The following EZH2 variants were observed in gnomAD, a reference collection of about 807,000 sequenced individuals.
EZH2 encodes the protein histone-lysine N-methyltransferase EZH2.
EZH2 carries 18 observed loss-of-function variants against 98.4 expected under a neutral mutation model. The observed-to-expected ratio is 0.18, with a 90% CI of 0.13 to 0.27. The LOEUF is 0.27. EZH2 is among the 10% of genes least tolerant of loss of function. The probability of loss-of-function intolerance (pLI) is 1.00; values close to 1 mark genes in which losing one functional copy is unlikely to be tolerated. For missense variants in EZH2, 470 were observed against 935.1 expected (o/e 0.50, Z 6.49); for synonymous variants, 338 against 312.3 (o/e 1.08, Z -0.87).
At chr7:148,880,540 C>T (rs1470955930) in intron 1 of EZH2, among the ~76,000 whole-genome samples, 2 of 152,130 alleles carry the variant, frequency 1.3e-5, no homozygotes, top group African/African-American at 2.4e-5. Flanking sequence ...TCCAGTTGTC[C>T]GAGTGTAATA....
intron 3 of EZH2, 131 bp downstream of exon 3, chr7:148,846,339 A>G (rs756768272): frequency 9.7e-6 from 9 of 931,234 alleles, no homozygotes; most frequent in Non-Finnish European, 1.3e-5. Context: ...ACAGTTGCAC[A>G]TTAAAAAGAA....
intron 1 of EZH2, among the ~76,000 whole-genome samples, chr7:148,861,976 T>G (rs1817743013): frequency 6.6e-6 from 1 of 152,174 alleles, no homozygotes; most frequent in Admixed American, 6.5e-5. Context: ...CATACTTAGC[T>G]TAGAAAAGGG....
intron 1 of EZH2, among the ~76,000 whole-genome samples, chr7:148,881,944 A>C (rs1821023971): frequency 7.6e-6 from 1 of 132,308 alleles, no homozygotes; most frequent in Non-Finnish European, 1.6e-5. Flanking sequence ...AAAAAAAAAA[A>C]AACATATACA....
chr7:148,838,045 A>G (rs1811353097), intron 3 of EZH2, among the ~76,000 whole-genome samples: 1 of 145,570 alleles, frequency 6.9e-6, no homozygotes, highest in African/African-American at 2.5e-5. Flanking sequence ...GGAATACAGT[A>G]TCGGGAAGTT....
At chr7:148,866,945 C>A (rs530387567) in intron 1 of EZH2, among the ~76,000 whole-genome samples, 2 of 150,060 alleles carry the variant, frequency 1.3e-5, no homozygotes, top group Non-Finnish European at 1.5e-5. Context: ...AACTCCTAAC[C>A]TCAAGTGATC....
At chr7:148,809,248 A>G in intron 18 of EZH2, 62 bp downstream of exon 18, 2 of 1,583,038 alleles carry the variant, frequency 1.3e-6, no homozygotes, top group Non-Finnish European at 8.7e-7. Context: ...TCCCAGAAGT[A>G]TTCAAGTCCA....
chr7:148,810,122 C>G, intron 17 of EZH2: 1 of 441,078 alleles, frequency 2.3e-6, no homozygotes, highest in Non-Finnish European at 4.2e-6. Flanking sequence ...AGCCGGGACT[C>G]CAGAGAGGCG....
rs1309469934 is a variant in EZH2 at position 148,818,087 on chromosome 7, T to C, written c.1030A>G (p.Thr344Ala). The change falls in exon 10 of 20, where the codon ACC becomes GCC. Residue 344 changes from threonine (T) to alanine (A), a missense_variant. Coordinates refer to ENST00000320356, the MANE Select transcript of EZH2 (RefSeq NM_004456.5). Reference protein sequence around the residue: ...EGAKEFAAALTAERIKTPPKR... With the variant: ...EGAKEFAAALAAERIKTPPKR... ...GGTGGGGTCTTTATCCGCTCAGCGGTGAGAGCAGCAGCAAACTCCTTTGCT... is the reference window on the plus strand; with the variant it reads ...GGTGGGGTCTTTATCCGCTCAGCGGCGAGAGCAGCAGCAAACTCCTTTGCT... 4.4e-6 allele frequency: 7 copies of C among 1,606,966 alleles called. No individual in the cohort carries two copies. The highest frequency in any genetic ancestry group is 5.9e-6 in the Non-Finnish European group (7 of 1,176,768).
At chr7:148,866,538 GTATATACATATATATACATATATACATA>G (rs1279155457) in intron 1 of EZH2, among the ~76,000 whole-genome samples, 1 of 101,276 alleles carries the variant, frequency 9.9e-6, no homozygotes, top group African/African-American at 3.8e-5. Flanking sequence ...ATATATATAC[GTATATACATATATATACATATATACATA>G]TATATACGTA....
intron 3 of EZH2, among the ~76,000 whole-genome samples, chr7:148,834,358 C>CATATATATATATATAT (rs1182664076): frequency 5.6e-5 from 5 of 88,912 alleles, no homozygotes; most frequent in African/African-American, 2.0e-4. Flanking sequence ...TATATACACA[C>CATATATATATATATAT]ACACACACAC....
At chr7:148,828,619 A>T in intron 6 of EZH2, 121 bp downstream of exon 6, 1 of 1,254,276 alleles carries the variant, frequency 8.0e-7, no homozygotes, top group Non-Finnish European at 1.1e-6. Context: ...TACTGCTATC[A>T]ATGTGATATT....
chr7:148,836,844 C>T (rs1336750860), intron 3 of EZH2: 3 of 503,402 alleles, frequency 6.0e-6, no homozygotes, highest in Admixed American at 2.3e-5. Context: ...GTACAATAGG[C>T]GACTGTGTGG....
In EZH2 at chr7:148,846,568, A is replaced by C. The variant is rs772530358; in HGVS notation, c.148T>G (p.Leu50Val). 3 of 1,612,040 alleles carry C rather than the reference A, an allele frequency of 1.9e-6. No individual in the cohort carries two copies. The highest frequency in any genetic ancestry group is 2.7e-5 in the African/African-American group (2 of 74,048). ...TGGTTTAAGATTTCCGTTCTTTCCA[A>C]AATTTTCTGACGATTGGAACTAAAC... is the stretch of plus-strand genomic sequence containing the variant. ...SMFSSNRQKI[L>V]ERTEILNQEW... is the part of the protein sequence containing the mutation. Residue 50 changes from leucine (L) to valine (V), a missense_variant, in exon 3 of 20, where the codon TTG becomes GTG. Around this residue, in one of 6 missense-constraint regions of EZH2, gnomAD observed 79 missense variants for 122.1 expected, o/e 0.65. Transcript: ENST00000320356.
chr7:148,881,805 G>A (rs189561888), intron 1 of EZH2, among the ~76,000 whole-genome samples: 1 of 151,722 alleles, frequency 6.6e-6, no homozygotes, highest in East Asian at 1.9e-4. Flanking sequence ...GTCGTGGTGC[G>A]TGCCTGTAGT....
chr7:148,871,423 AAAG>A (rs1234394242), intron 1 of EZH2, among the ~76,000 whole-genome samples: 1 of 149,818 alleles, frequency 6.7e-6, no homozygotes, highest in African/African-American at 2.5e-5. Flanking sequence ...AAAAAAAAAA[AAAG>A]AAGAGGAAGA....
intron 3 of EZH2, among the ~76,000 whole-genome samples, chr7:148,837,499 G>A (rs1319819794): frequency 6.6e-6 from 1 of 152,188 alleles, no homozygotes; most frequent in Non-Finnish European, 1.5e-5. Context: ...ACACGCCCAA[G>A]TTTTAAATTA....
chr7:148,816,576 G>GT, intron 12 of EZH2, 108 bp downstream of exon 12: 1 of 754,776 alleles, frequency 1.3e-6, no homozygotes, highest in Non-Finnish European at 2.2e-6. Flanking sequence ...GCAGTTTAAG[G>GT]TTTTTTAAAA....
chr7:148,819,933 T>G (rs1805534175), intron 8 of EZH2, among the ~76,000 whole-genome samples: 1 of 152,220 alleles, frequency 6.6e-6, no homozygotes, highest in South Asian at 2.1e-4. Context: ...ATTTCTCATT[T>G]TTCTCCTTGC....
At chr7:148,811,100 G>C (rs1369257123) in intron 16 of EZH2, among the ~76,000 whole-genome samples, 2 of 152,130 alleles carry the variant, frequency 1.3e-5, no homozygotes, top group African/African-American at 4.8e-5. Flanking sequence ...CCCTAGACGA[G>C]AAAAACTAAA....
Sources: allele counts gnomAD v4.1 joint callset (sites outside exome capture counted in the v4.1 genomes callset), GRCh38; gene constraint gnomAD v4.1.1; regional missense constraint gnomAD v4.1.1; transcripts MANE v1.5; gene names NCBI Gene and HGNC (gene_info 2026-07-23, HGNC 2026-07-21).